The following CELF2 variants were observed in gnomAD, a reference collection of about 807,000 sequenced individuals.
CELF2 encodes CUG triplet repeat RNA-binding protein 2.
Under a neutral mutation model 62.6 loss-of-function variants are expected in CELF2, and 8 were observed. The observed-to-expected ratio is 0.13, with a 90% confidence interval of 0.07 to 0.23. The LOEUF is 0.23. Ranked by LOEUF, CELF2 falls within the 10% of genes least tolerant of loss-of-function variation. CELF2 has a pLI of 1.00. For synonymous variants in CELF2, 258 were observed against 250.0 expected (o/e 1.03, Z -0.30); for missense variants, 333 against 671.0 (o/e 0.50, Z 5.56).
the CELF2 span, among the ~76,000 whole-genome samples, chr10:10,565,481 T>C: frequency 6.6e-6 from 1 of 152,216 alleles, no homozygotes; most frequent in Non-Finnish European, 1.5e-5. Context: ...ATGACTGGAA[T>C]CTCTCATTAT....
At chr10:10,542,087 A>T in the CELF2 span, among the ~76,000 whole-genome samples, 11 of 152,220 alleles carry the variant, frequency 7.2e-5, no homozygotes, top group Non-Finnish European at 1.2e-4. Flanking sequence ...GTCAACCGAG[A>T]TGGTAATGGG....
intron 1 of CELF2, among the ~76,000 whole-genome samples, chr10:11,022,129 A>T (rs909032256): frequency 1.3e-5 from 2 of 152,218 alleles, no homozygotes; most frequent in Non-Finnish European, 1.5e-5. Context: ...TGATACTCTG[A>T]TGGTCATGAA....
the CELF2 span, among the ~76,000 whole-genome samples, chr10:10,717,600 T>C: frequency 2.6e-5 from 4 of 152,236 alleles, no homozygotes; most frequent in Admixed American, 6.5e-5. Flanking sequence ...AAATGAGATA[T>C]AGCTTTTCAC....
At chr10:11,051,491 A>G (rs1191952908) in intron 1 of CELF2, among the ~76,000 whole-genome samples, 3 of 152,234 alleles carry the variant, frequency 2.0e-5, no homozygotes, top group African/African-American at 7.2e-5. Flanking sequence ...TAAACAGCCC[A>G]TGTTTATAAA....
intron 3 of CELF2, among the ~76,000 whole-genome samples, chr10:11,240,304 CAAT>C (rs1398980377): frequency 6.6e-6 from 1 of 152,246 alleles, no homozygotes; most frequent in Non-Finnish European, 1.5e-5. Context: ...GTTCACCCAA[CAAT>C]GAGTGGTCTT....
At chr10:11,210,358 T>G (rs1378141006) in intron 2 of CELF2, among the ~76,000 whole-genome samples, 1 of 152,210 alleles carries the variant, frequency 6.6e-6, no homozygotes, top group African/African-American at 2.4e-5. Flanking sequence ...GTCTTGACCC[T>G]GGGGCAGAGT....
intron 1 of CELF2, among the ~76,000 whole-genome samples, chr10:10,904,771 TA>T (rs1216003384): frequency 6.6e-6 from 1 of 152,238 alleles, no homozygotes; most frequent in African/African-American, 2.4e-5. Context: ...ATACCCTTGA[TA>T]AATACCATTT....
intron 1 of CELF2, among the ~76,000 whole-genome samples, chr10:11,132,743 T>C (rs1462313186): frequency 2.0e-5 from 3 of 152,158 alleles, no homozygotes; most frequent in East Asian, 3.8e-4. Context: ...GACACAGTGT[T>C]ACATAATCAC....
At chr10:10,876,081 A>G (rs538673063) in intron 1 of CELF2, among the ~76,000 whole-genome samples, 1 of 152,344 alleles carries the variant, frequency 6.6e-6, no homozygotes, top group East Asian at 1.9e-4. Context: ...TTAAAACACA[A>G]TTGTGCTTCA....
rs930174456 is a variant in CELF2 at position 11,260,996 on chromosome 10, T to C, written c.538+3124T>C. ...CATTTCTGTTCTCAGCGTCTATTGC[T>C]GGCTCAGCTGTTTAAAAATAAATAA... On this transcript the variant is annotated intron_variant, in intron 5 of 12. Transcript: ENST00000633077. The surrounding 1 kb of genome is among the most constrained non-coding windows in gnomAD (Gnocchi z 4.2). Among the ~76,000 whole-genome samples, 1 of 152,260 alleles carries C rather than the reference T, an allele frequency of 6.6e-6. No homozygotes were observed. The highest frequency in any genetic ancestry group is 2.4e-5 in the African/African-American group (1 of 41,464).
intron 1 of CELF2, among the ~76,000 whole-genome samples, chr10:10,861,888 G>A (rs2060063514): frequency 6.6e-6 from 1 of 152,104 alleles, no homozygotes; most frequent in Admixed American, 6.6e-5. Context: ...TATATAATTA[G>A]AAATAATCTT....
At position 10,949,434 on chromosome 10, in the gene CELF2, G is replaced by A. The variant is rs112603505; in HGVS notation, c.89+29435G>A. Reference sequence around the variant, plus strand: ...GTGCCATGGTGGAGGCCATCATGCCGCAGAGGAGGGTGGCAGAAGCTTCTC... The same window carrying A: ...GTGCCATGGTGGAGGCCATCATGCCACAGAGGAGGGTGGCAGAAGCTTCTC... On this transcript the variant is annotated intron_variant, in intron 2 of 13. Transcript: ENST00000636488. Among the ~76,000 whole-genome samples the A allele has an allele frequency of 1.1e-4, 16 of 152,206 alleles. 1 individual carries two copies. The highest frequency in any genetic ancestry group is 3.4e-4 in the African/African-American group (14 of 41,520).
chr10:11,315,999 G>C lies in CELF2; in HGVS notation c.1096+1741G>C, dbSNP rs2094945318. 6.6e-6 allele frequency among the ~76,000 whole-genome samples: 1 copy of C among 152,242 alleles called. No individual in the cohort carries two copies. The highest frequency in any genetic ancestry group is 2.4e-5 in the African/African-American group (1 of 41,466). On this transcript the variant is annotated intron_variant, in intron 10 of 12. Coordinates refer to ENST00000633077, the MANE Select transcript of CELF2 (RefSeq NM_001326342.2). The surrounding 1 kb of genome is among the most constrained non-coding windows in gnomAD (Gnocchi z 5.8). Reference sequence around the variant, plus strand: ...CTCAGCACGTGCTCATGACTGGTGTGTGTGTGTCCTCTCGTCTGCGTCCCG... The same window carrying C: ...CTCAGCACGTGCTCATGACTGGTGTCTGTGTGTCCTCTCGTCTGCGTCCCG...
intron 1 of CELF2, among the ~76,000 whole-genome samples, chr10:11,049,927 G>A (rs1489636015): frequency 2.6e-5 from 4 of 152,314 alleles, no homozygotes; most frequent in Admixed American, 1.3e-4. Flanking sequence ...CCCGTTGCCC[G>A]TGTGCATGCT....
At chr10:10,715,358 T>C in the CELF2 span, among the ~76,000 whole-genome samples, 1 of 152,224 alleles carries the variant, frequency 6.6e-6, no homozygotes, top group African/African-American at 2.4e-5. Context: ...AATCAAATTG[T>C]ATAAATGAAA....
upstream of CELF2, chr10:11,017,841 G>A (rs1296028106): frequency 1.7e-6 from 1 of 599,238 alleles, no homozygotes; most frequent in Non-Finnish European, 2.1e-6. The surrounding 1 kb of genome is among the most constrained non-coding windows in gnomAD (Gnocchi z 5.5). Context: ...GCCCGCAGGG[G>A]TTAAGCGGCG....
At chr10:11,057,440 A>T (rs1414353610) in intron 1 of CELF2, among the ~76,000 whole-genome samples, 2 of 152,234 alleles carry the variant, frequency 1.3e-5, no homozygotes, top group Non-Finnish European at 2.9e-5. Flanking sequence ...ATATTAATCT[A>T]TAGAGAAAAC....
the CELF2 span, among the ~76,000 whole-genome samples, chr10:10,507,748 C>T: frequency 3.9e-4 from 9 of 22,972 alleles, no homozygotes; most frequent in Non-Finnish European, 1.8e-3. Context: ...ATTCAATTTT[C>T]CTCCATCCAA....
the CELF2 span, among the ~76,000 whole-genome samples, chr10:10,620,872 C>A: frequency 3.0e-5 from 3 of 101,302 alleles, no homozygotes; most frequent in African/African-American, 1.2e-4. Flanking sequence ...GAGACGAGAT[C>A]GAGCCACTGC....
Sources: allele counts gnomAD v4.1 joint callset (sites outside exome capture counted in the v4.1 genomes callset), GRCh38; gene constraint gnomAD v4.1.1; non-coding constraint Gnocchi (gnomAD v3.1); transcripts MANE v1.5; gene names NCBI Gene and HGNC (gene_info 2026-07-23, HGNC 2026-07-21).